Variants in AKAP19 observed in about 807,000 individuals in gnomAD.
AKAP19 encodes small A-kinase anchoring protein.
At chr2:189,939,157 A>G in the AKAP19 span, among the ~76,000 whole-genome samples, 7 of 152,206 alleles carry the variant, frequency 4.6e-5, no homozygotes, top group African/African-American at 1.7e-4. Flanking sequence ...CCAGCCATGG[A>G]AACTCTGCTC....
At chr2:190,009,610 C>A in the AKAP19 span, among the ~76,000 whole-genome samples, 1 of 152,128 alleles carries the variant, frequency 6.6e-6, no homozygotes, top group Non-Finnish European at 1.5e-5. Flanking sequence ...TTTGAGATGT[C>A]TATTAAAATC....
chr2:190,057,082 GT>G, the AKAP19 span: 2 of 652,650 alleles, frequency 3.1e-6, no homozygotes, highest in Non-Finnish European at 5.1e-6. Flanking sequence ...TGTTTGGATG[GT>G]TAAATGCCAA....
chr2:190,033,465 A>G, the AKAP19 span, among the ~76,000 whole-genome samples: 1 of 152,216 alleles, frequency 6.6e-6, no homozygotes, highest in Non-Finnish European at 1.5e-5. Flanking sequence ...ACTATATGTC[A>G]CAATTTTGCC....
At chr2:190,129,597 T>C in the AKAP19 span, among the ~76,000 whole-genome samples, 1 of 151,976 alleles carries the variant, frequency 6.6e-6, no homozygotes, top group Non-Finnish European at 1.5e-5. Flanking sequence ...AAGTAATTAA[T>C]GTGGGCATAG....
the AKAP19 span, among the ~76,000 whole-genome samples, chr2:189,969,590 C>T: frequency 1.3e-5 from 2 of 151,664 alleles, no homozygotes; most frequent in African/African-American, 4.8e-5. Flanking sequence ...GTTAGCAAGG[C>T]ATGATGGCGG....
At chr2:189,967,195 TG>T in the AKAP19 span, among the ~76,000 whole-genome samples, 1 of 152,218 alleles carries the variant, frequency 6.6e-6, no homozygotes, top group Admixed American at 6.5e-5. Context: ...GCCTGTGACC[TG>T]GTTTTCACCG....
At chr2:190,069,136 A>ATGTGTGTGTGTGTG in the AKAP19 span, among the ~76,000 whole-genome samples, 9 of 127,740 alleles carry the variant, frequency 7.0e-5, no homozygotes, top group African/African-American at 2.7e-4. Context: ...GTGCATGCAT[A>ATGTGTGTGTGTGTG]TGTGTGTGTG....
the AKAP19 span, among the ~76,000 whole-genome samples, chr2:190,069,624 G>A: frequency 1.1e-4 from 16 of 152,110 alleles, no homozygotes; most frequent in South Asian, 2.1e-4. Flanking sequence ...TGCCTAAAGC[G>A]TAGTTTTCCA....
chr2:190,115,907 C>T, the AKAP19 span, among the ~76,000 whole-genome samples: 1 of 152,178 alleles, frequency 6.6e-6, no homozygotes, highest in Non-Finnish European at 1.5e-5. Flanking sequence ...TTTCCGTCTT[C>T]CTGAGATGAA....
the AKAP19 span, among the ~76,000 whole-genome samples, chr2:190,088,566 T>G: frequency 6.6e-6 from 1 of 151,922 alleles, no homozygotes. Flanking sequence ...TACTTAACAT[T>G]CCAAAAATAA....
the AKAP19 span, among the ~76,000 whole-genome samples, chr2:189,948,821 AT>A: frequency 1.6e-3 from 244 of 150,542 alleles, 1 homozygote; most frequent in East Asian, 0.032. Context: ...TAGTAAAATC[AT>A]TTTTTTTTCT....
At chr2:189,902,546 C>G in the AKAP19 span, among the ~76,000 whole-genome samples, 1 of 151,772 alleles carries the variant, frequency 6.6e-6, no homozygotes, top group Non-Finnish European at 1.5e-5. Context: ...AGAGCTTTTC[C>G]TTTCTTATTT....
the AKAP19 span, among the ~76,000 whole-genome samples, chr2:190,148,640 C>T: frequency 6.6e-6 from 1 of 152,076 alleles, no homozygotes; most frequent in East Asian, 1.9e-4. Flanking sequence ...TGGTCCTGGA[C>T]GATTTTTGTT....
chr2:190,049,456 C>G, the AKAP19 span, among the ~76,000 whole-genome samples: 4 of 152,170 alleles, frequency 2.6e-5, no homozygotes, highest in Admixed American at 1.3e-4. Flanking sequence ...CTACAGAGTG[C>G]AAATTGTATT....
At chr2:190,053,393 C>T in the AKAP19 span, among the ~76,000 whole-genome samples, 1 of 152,162 alleles carries the variant, frequency 6.6e-6, no homozygotes, top group African/African-American at 2.4e-5. Flanking sequence ...TGAATGGCAA[C>T]CAAGATAAAC....
chr2:190,097,859 C>CAAAAAA, the AKAP19 span, among the ~76,000 whole-genome samples: 442 of 62,124 alleles, frequency 7.1e-3, no homozygotes, highest in East Asian at 0.01. Flanking sequence ...TGGTTTCTAC[C>CAAAAAA]AAAAAAAAAA....
the AKAP19 span, among the ~76,000 whole-genome samples, chr2:190,096,062 T>C: frequency 6.6e-6 from 1 of 152,152 alleles, no homozygotes; most frequent in Non-Finnish European, 1.5e-5. Context: ...TAAACACCCA[T>C]CCTGGTCTCA....
the AKAP19 span, chr2:190,062,688 G>C: frequency 2.4e-6 from 3 of 1,243,188 alleles, no homozygotes; most frequent in Non-Finnish European, 3.4e-6. Flanking sequence ...AAATTTTAAT[G>C]CATGTACAGT....
At chr2:189,949,618 C>G in the AKAP19 span, among the ~76,000 whole-genome samples, 2 of 149,220 alleles carry the variant, frequency 1.3e-5, no homozygotes, top group African/African-American at 2.5e-5. Flanking sequence ...TAGTTGTTAC[C>G]TACTTTTTCT....
Sources: allele counts gnomAD v4.1 joint callset (sites outside exome capture counted in the v4.1 genomes callset), GRCh38; gene constraint gnomAD v4.1.1; transcripts MANE v1.5; gene names NCBI Gene and HGNC (gene_info 2026-07-23, HGNC 2026-07-21).